TATDN3: variants seen among roughly 807,000 people sequenced by gnomAD.
The protein encoded by TATDN3 is TatD DNase domain containing 3, also known as deoxyribonuclease TATDN3.
Under a neutral mutation model 40.1 loss-of-function variants are expected in TATDN3, and 29 were observed. That is an observed-to-expected ratio of 0.72 (90% CI 0.54 to 0.99). The LOEUF (loss-of-function observed/expected upper bound fraction) is 0.99. TATDN3 is among the 50% of genes least tolerant of loss of function. The probability of loss-of-function intolerance (pLI) is 0.00; values close to 1 mark genes in which losing one functional copy is unlikely to be tolerated. For synonymous variants in TATDN3, 105 were observed against 117.0 expected (o/e 0.90, Z 0.66); for missense variants, 309 against 321.9 (o/e 0.96, Z 0.31).
chr1:212,798,973 AGGACTCTGG>A (rs1411585627), intron 4 of TATDN3, among the ~76,000 whole-genome samples: 1 of 152,268 alleles, frequency 6.6e-6, no homozygotes, highest in Non-Finnish European at 1.5e-5. Context: ...TCATCAAGGA[AGGACTCTGG>A]TAGTGACAAT....
At chr1:212,798,900 G>A (rs1661994735) in intron 4 of TATDN3, among the ~76,000 whole-genome samples, 1 of 152,350 alleles carries the variant, frequency 6.6e-6, no homozygotes, top group South Asian at 2.1e-4. Context: ...AGCACTAAGT[G>A]CTTTGAAGAC....
intron 2 of TATDN3, among the ~76,000 whole-genome samples, chr1:212,795,678 G>T (rs1661710267): frequency 6.6e-6 from 1 of 152,176 alleles, no homozygotes; most frequent in Non-Finnish European, 1.5e-5. Context: ...CTCCCAAAAT[G>T]CTGGGATTAT....
At chr1:212,810,688 A>G (rs1316227320) in intron 8 of TATDN3, among the ~76,000 whole-genome samples, 1 of 152,058 alleles carries the variant, frequency 6.6e-6, no homozygotes, top group Non-Finnish European at 1.5e-5. Context: ...CTGTGTCTCA[A>G]AAACAAACAA....
chr1:212,809,714 T>C, intron 8 of TATDN3, among the ~76,000 whole-genome samples: 1 of 143,702 alleles, frequency 7.0e-6, no homozygotes, highest in East Asian at 2.1e-4. Flanking sequence ...AAGAAAACCA[T>C]CCACAACCCA....
chr1:212,797,067 A>G (rs1661815602), intron 3 of TATDN3, 45 bp from the exon 4 acceptor site: 5 of 1,401,250 alleles, frequency 3.6e-6, no homozygotes, highest in African/African-American at 1.4e-5. Flanking sequence ...GTTGTAATCT[A>G]CTAGTCTACT....
intron 4 of TATDN3, chr1:212,797,675 C>CA (rs1402482406): frequency 6.6e-6 from 1 of 152,310 alleles, no homozygotes; most frequent in African/African-American, 2.4e-5. Flanking sequence ...GTTGCTTTGG[C>CA]AAAAAAGTGA....
At chr1:212,796,656 A>G (rs1227907162) in intron 3 of TATDN3, 66 bp downstream of exon 3, 2 of 1,111,562 alleles carry the variant, frequency 1.8e-6, no homozygotes, top group East Asian at 2.5e-5. Context: ...TCCAGTTTAT[A>G]ATATCAAAGA....
Position 212,791,955 on chromosome 1 carries a change from C to A in TATDN3, c.34C>A (p.His12Asn). The A allele has an allele frequency of 6.2e-7, 1 of 1,613,998 alleles. No individual in the cohort carries two copies. The highest frequency in any genetic ancestry group is 8.5e-7 in the Non-Finnish European group (1 of 1,179,978). ...RAAGVGLVDC[H>N]CHLSAPDFDR... ...GGCTGGCGTAGGCTTGGTGGACTGT[C>A]ACTGCCACCTCTCCGCCCCGGACTT... Residue 12 changes from histidine to asparagine, a missense_variant, in exon 1 of 10, where the codon CAC (histidine) becomes AAC (asparagine). Physicochemically the swap from His to Asn is moderately conservative, Grantham distance 68. Transcript: ENST00000366974.
At chr1:212,798,599 T>C (rs1661973349) in intron 4 of TATDN3, among the ~76,000 whole-genome samples, 1 of 151,498 alleles carries the variant, frequency 6.6e-6, no homozygotes, top group Non-Finnish European at 1.5e-5. Context: ...ATGCTTATCC[T>C]GTAGCTATCC....
intron 5 of TATDN3, 106 bp from the exon 6 acceptor site, chr1:212,804,214 T>A: frequency 1.4e-6 from 1 of 700,636 alleles, no homozygotes; most frequent in Non-Finnish European, 2.4e-6. Context: ...TGTGGCTTGC[T>A]TTTGTGCCTC....
intron 9 of TATDN3, 96 bp from the exon 10 acceptor site, chr1:212,814,917 T>C (rs1663104059): frequency 7.2e-7 from 1 of 1,381,644 alleles, no homozygotes; most frequent in South Asian, 1.5e-5. Flanking sequence ...AGCCCATCAG[T>C]TGTTTTTACC....
At chr1:212,809,526 T>C (rs1371439685) in intron 8 of TATDN3, among the ~76,000 whole-genome samples, 1 of 151,430 alleles carries the variant, frequency 6.6e-6, no homozygotes, top group Admixed American at 6.6e-5. Flanking sequence ...CTACTAAAAA[T>C]ACAAAAAATT....
At chr1:212,805,548 G>A (rs956233651) in intron 7 of TATDN3, among the ~76,000 whole-genome samples, 14 of 152,154 alleles carry the variant, frequency 9.2e-5, no homozygotes, top group Admixed American at 7.9e-4. Flanking sequence ...GAGCGACTGT[G>A]CCTGGCCAGC....
intron 5 of TATDN3, among the ~76,000 whole-genome samples, 191 bp downstream of exon 5, chr1:212,802,954 T>C: frequency 6.6e-6 from 1 of 152,160 alleles, no homozygotes; most frequent in East Asian, 1.9e-4. Context: ...ATCAAAAGCC[T>C]TACCATAGGC....
intron 5 of TATDN3, among the ~76,000 whole-genome samples, chr1:212,804,055 A>G (rs11799556): frequency 0.018 from 2,686 of 152,252 alleles, 78 homozygotes; most frequent in African/African-American, 0.059. Flanking sequence ...AACAAAAAAA[A>G]AGGAATATAA....
intron 7 of TATDN3, among the ~76,000 whole-genome samples, chr1:212,805,483 T>C (rs1662403135): frequency 6.6e-6 from 1 of 152,174 alleles, no homozygotes; most frequent in Non-Finnish European, 1.5e-5. Context: ...CTTGAACTCC[T>C]GACCTCAGGT....
In TATDN3 at chr1:212,807,766, A is replaced by G. The variant is rs1662629040; in HGVS notation, c.518A>G (p.Asp173Gly). Residue 173 changes from aspartate (D) to glycine (G), a missense_variant, in exon 8 of 10, where the codon GAT becomes GGT. Asp to Gly is a moderately conservative substitution (Grantham distance 94). Coordinates refer to ENST00000366974, the MANE Select transcript of TATDN3 (RefSeq NM_001042552.3). ...GAGAAGGTACTGCTGCATGCATTTG[A>G]TGGTCGGCCATCTGTAGCCATGGAA... ...GAEKVLLHAF[D>G]GRPSVAMEGV... The G allele has an allele frequency of 1.2e-6, 2 of 1,613,644 alleles. No individual in the cohort carries two copies. The highest frequency in any genetic ancestry group is 1.7e-6 in the Non-Finnish European group (2 of 1,179,854).
intron 3 of TATDN3, 107 bp downstream of exon 3, chr1:212,796,697 G>A: frequency 1.3e-6 from 1 of 791,576 alleles, no homozygotes; most frequent in South Asian, 2.4e-5. Context: ...AGAGGAAAAA[G>A]CATTTTAACA....
intron 6 of TATDN3, 75 bp downstream of exon 6, chr1:212,804,504 C>A: frequency 6.5e-7 from 1 of 1,543,776 alleles, no homozygotes; most frequent in Non-Finnish European, 8.9e-7. Flanking sequence ...TGAAATGGAA[C>A]TCTACATTTA....
Sources: gnomAD v4.1 joint callset for allele counts (sites outside exome capture counted in the v4.1 genomes callset) on GRCh38, gnomAD v4.1.1 for gene constraint, MANE v1.5 for transcripts, NCBI Gene and HGNC (gene_info 2026-07-23, HGNC 2026-07-21) for gene names.